CACNB1: variants seen among roughly 807,000 people sequenced by gnomAD.
CACNB1 encodes the protein voltage-dependent L-type calcium channel subunit beta-1.
Under a neutral mutation model 71.6 loss-of-function variants are expected in CACNB1, and 29 were observed. The observed-to-expected ratio is 0.40, with a 90% CI of 0.30 to 0.55. The LOEUF is 0.55. Among genes scored for constraint, CACNB1 ranks in the 20% least tolerant of loss-of-function variants. The probability of loss-of-function intolerance (pLI) is 0.38; values close to 1 mark genes in which losing one functional copy is unlikely to be tolerated. For missense variants in CACNB1, 623 were observed against 801.8 expected (o/e 0.78, Z 2.69); for synonymous variants, 300 against 319.6 (o/e 0.94, Z 0.65).
chr17:39,188,621 T>C (rs930000495), intron 3 of CACNB1, among the ~76,000 whole-genome samples: 1 of 152,038 alleles, frequency 6.6e-6, no homozygotes, highest in Non-Finnish European at 1.5e-5. Context: ...TCTCCATGTA[T>C]ATTAACTTTT....
chr17:39,186,585 A>G lies in CACNB1; in HGVS notation c.552-13T>C. The G allele has an allele frequency of 6.2e-7, 1 of 1,611,440 alleles. No individual in the cohort carries two copies. Among genetic ancestry groups the G allele is most frequent in the Non-Finnish European group, 8.5e-7 (1 of 1,178,120 alleles). Reference sequence around the variant, plus strand: ...ATCGCCTGATTTGCTGTGTGGGCAGAGGCAAACCGAGCTTGTGAGCAAAGA... The same window carrying G: ...ATCGCCTGATTTGCTGTGTGGGCAGGGGCAAACCGAGCTTGTGAGCAAAGA... On this transcript the variant is annotated splice_polypyrimidine_tract_variant and intron_variant, in intron 5 of 13. Coordinates refer to ENST00000394303, the MANE Select transcript of CACNB1 (RefSeq NM_000723.5). The surrounding 1 kb of genome is among the most constrained non-coding windows in gnomAD (Gnocchi z 4.1).
At chr17:39,197,282 G>C (rs2046221112) in intron 1 of CACNB1, 130 bp downstream of exon 1, 1 of 533,850 alleles carries the variant, frequency 1.9e-6, no homozygotes, top group Admixed American at 4.4e-5. Context: ...CAAGGATGGG[G>C]GGCGCGCAGG....
rs1169487556 is a variant in CACNB1 at position 39,194,737 on chromosome 17, C to T, written c.171+147G>A. On this transcript the variant is annotated intron_variant, in intron 2 of 13. Coordinates refer to ENST00000394303, the MANE Select transcript of CACNB1 (RefSeq NM_000723.5). This position sits in a 1 kb window ranked among gnomAD's most constrained non-coding sequence, Gnocchi z 4.6. ...CGCTGACAGCACATCCAGAAGAGGT[C>T]ATGGGGTGTCAGGGTGATGGGGTGG... The T allele has an allele frequency of 1.7e-6, 1 of 603,190 alleles. No individual in the cohort carries two copies. The highest frequency in any genetic ancestry group is 1.9e-5 in the African/African-American group (1 of 53,250). The allele number at this position is 603,190 out of a possible 1,614,324, so 37.4% of individuals were successfully genotyped here.
rs1158083862 is a variant in CACNB1 at position 39,175,907 on chromosome 17, G to T, written c.1333-250C>A. Among the ~76,000 whole-genome samples, 1 of 152,150 alleles carries T rather than the reference G, an allele frequency of 6.6e-6. No homozygotes were observed. The highest frequency in any genetic ancestry group is 1.5e-5 in the Non-Finnish European group (1 of 68,026). On this transcript the variant is annotated intron_variant, in intron 13 of 13. Transcript: ENST00000394303. This position sits in a 1 kb window ranked among gnomAD's most constrained non-coding sequence, Gnocchi z 4.7. ...AGATGTGAGGACATATGAACTCTCA[G>T]GGCAACTATGGCCAACAGCCGTGAG...
intron 2 of CACNB1, chr17:39,191,847 G>A (rs2046088400): frequency 4.1e-6 from 2 of 486,904 alleles, no homozygotes; most frequent in Non-Finnish European, 7.2e-6. Flanking sequence ...AAGGACAGCT[G>A]CTTGGGGCCC....
At chr17:39,176,427 T>A (rs2144077345) in intron 13 of CACNB1, among the ~76,000 whole-genome samples, 1 of 152,214 alleles carries the variant, frequency 6.6e-6, no homozygotes, top group South Asian at 2.1e-4. Flanking sequence ...GTGATGGGGG[T>A]TAGACCTGAG....
chr17:39,184,954 C>T (rs35506760), intron 7 of CACNB1, 90 bp from the exon 8 acceptor site: 47,448 of 1,075,854 alleles, frequency 0.044, 1,269 homozygotes, highest in Middle Eastern at 0.081. Context: ...TGCAGCCTTC[C>T]CCCACCCTGG....
intron 3 of CACNB1, among the ~76,000 whole-genome samples, chr17:39,190,459 G>T (rs755892598): frequency 1.3e-5 from 2 of 151,890 alleles, no homozygotes; most frequent in African/African-American, 2.4e-5. Context: ...ACAGAGTCTC[G>T]CTCTGTCACC....
rs917165706 is a variant in CACNB1, at chr17:39,175,288, T to G, written c.1702A>C (p.Asn568His). 5 of 1,614,062 alleles carry G rather than the reference T, an allele frequency of 3.1e-6. No individual in the cohort carries two copies. The highest frequency in any genetic ancestry group is 4.2e-6 in the Non-Finnish European group (5 of 1,180,040). ...CCCTCAGCGCAGTAGCGGGCCTTAT[T>G]CCGGCCCCGGTTCCGGTTGTCGGTC... ...ELTDNRNRGR[N>H]KARYCAEGGG... Residue 568 changes from asparagine to histidine, a missense_variant, in exon 14 of 14, where the codon AAT becomes CAT. By Grantham distance (68) the Asn-to-His change is moderately conservative. Coordinates refer to ENST00000394303, the MANE Select transcript of CACNB1 (RefSeq NM_000723.5). The surrounding 1 kb of genome is among the most constrained non-coding windows in gnomAD (Gnocchi z 4.7).
At chr17:39,179,389 C>G (rs544776515) in intron 11 of CACNB1, among the ~76,000 whole-genome samples, 1 of 149,472 alleles carries the variant, frequency 6.7e-6, no homozygotes, top group African/African-American at 2.5e-5. Context: ...GAGATCAAGA[C>G]CATCCTGGCC....
intron 10 of CACNB1, 76 bp from the exon 11 acceptor site, chr17:39,183,940 G>A: frequency 6.4e-7 from 1 of 1,564,742 alleles, no homozygotes; most frequent in South Asian, 1.1e-5. Context: ...GAACACTTCT[G>A]GAGATGGCCC....
In CACNB1 at chr17:39,182,858, C is replaced by T. The variant is rs1023015342; in HGVS notation, c.1050+855G>A. ...AGAGAATCAGAGGCTAAATAATTCC[C>T]CCAAGATTCCAAGTTCAATAAAAAA... On this transcript the variant is annotated intron_variant, in intron 11 of 13. Coordinates refer to ENST00000394303, the MANE Select transcript of CACNB1 (RefSeq NM_000723.5). The T allele has an allele frequency of 5.0e-5, 31 of 614,336 alleles. No individual in the cohort carries two copies. The African/African-American group carries it at 5.6e-4, about 11-fold the overall frequency. The allele number at this position is 614,336 out of a possible 1,614,324, so 38.1% of individuals were successfully genotyped here. A position where few individuals can be genotyped will look rare whatever the true frequency, so the allele number is the denominator to read the frequency against.
At chr17:39,189,909 G>C (rs1358494839) in intron 3 of CACNB1, among the ~76,000 whole-genome samples, 1 of 139,982 alleles carries the variant, frequency 7.1e-6, no homozygotes, top group Non-Finnish European at 1.5e-5. Flanking sequence ...CAGGAGTTCT[G>C]AGACCAGCCT....
chr17:39,195,053 C>CA, intron 1 of CACNB1, 83 bp from the exon 2 acceptor site: 2 of 958,598 alleles, frequency 2.1e-6, no homozygotes, highest in Non-Finnish European at 3.3e-6. Context: ...GAGCTACAGC[C>CA]AAGCTTGGGA....
intron 12 of CACNB1, 63 bp from the exon 13 acceptor site, chr17:39,177,598 G>T: frequency 7.3e-7 from 1 of 1,377,272 alleles, no homozygotes; most frequent in South Asian, 1.3e-5. Context: ...GGGGTTGAGG[G>T]TGTGGCCTGG....
intron 11 of CACNB1, chr17:39,178,374 C>A: frequency 4.4e-6 from 1 of 227,372 alleles, no homozygotes; most frequent in Non-Finnish European, 8.4e-6. Flanking sequence ...CGCCCACTCT[C>A]CTTTTTTTTT....
intron 2 of CACNB1, chr17:39,193,143 C>T (rs191646162): frequency 2.3e-4 from 53 of 233,642 alleles, no homozygotes; most frequent in South Asian, 2.4e-4. Context: ...TGCAGGCACG[C>T]GCACGTGTAC....
At chr17:39,177,566 G>A (rs1368774085) in intron 12 of CACNB1, 31 bp from the exon 13 acceptor site, 2 of 1,548,462 alleles carry the variant, frequency 1.3e-6, no homozygotes, top group East Asian at 2.3e-5. Flanking sequence ...GGCAGGGCTG[G>A]GATGAGTGGG....
At chr17:39,182,466 C>T (rs1190321131) in intron 11 of CACNB1, among the ~76,000 whole-genome samples, 2 of 151,810 alleles carry the variant, frequency 1.3e-5, no homozygotes, top group African/African-American at 2.4e-5. Context: ...TTTGGGAGGC[C>T]GAGGTGGGCA....
Sources: allele counts gnomAD v4.1 joint callset (sites outside exome capture counted in the v4.1 genomes callset), GRCh38; gene constraint gnomAD v4.1.1; non-coding constraint Gnocchi (gnomAD v3.1); transcripts MANE v1.5; gene names NCBI Gene and HGNC (gene_info 2026-07-23, HGNC 2026-07-21).